STK36: variants seen among roughly 807,000 people sequenced by gnomAD.
The protein encoded by STK36 is serine/threonine kinase 36.
Under a neutral mutation model 142.2 loss-of-function variants are expected in STK36, and 116 were observed. That is an observed-to-expected ratio of 0.82 (90% CI 0.70 to 0.95). STK36 has a LOEUF of 0.95. Ranked by LOEUF, STK36 falls within the 40% of genes least tolerant of loss-of-function variation. The pLI is 0.00. For missense variants in STK36, 1,422 were observed against 1,617.2 expected (o/e 0.88, Z 2.07); for synonymous variants, 619 against 641.7 (o/e 0.96, Z 0.53).
chr2:218,673,542 C>T (rs986725559), intron 2 of STK36, 83 bp from the exon 3 acceptor site: 90 of 1,510,960 alleles, frequency 6.0e-5, no homozygotes, highest in Non-Finnish European at 5.7e-5. Context: ...AATCTGACTT[C>T]TGGAGCTCTG....
Position 218,699,267 on chromosome 2 carries a change from A to G in STK36, c.3723A>G (p.Ala1241=). 1 of 1,614,020 alleles carries G rather than the reference A, an allele frequency of 6.2e-7. No homozygotes were observed. Among genetic ancestry groups the G allele is most frequent in the Non-Finnish European group, 8.5e-7 (1 of 1,180,004 alleles). ...TACCCCAGCGGCTCCTAGAAATGGCATGTGGAGACCCCCAGCCAAATGTGA... is the reference window on the plus strand; with the variant it reads ...TACCCCAGCGGCTCCTAGAAATGGCGTGTGGAGACCCCCAGCCAAATGTGA... ...CEVPQRLLEM[A]CGDPQPNVKE... is the part of the protein sequence containing the mutation. Residue 1241 remains alanine, a synonymous_variant, in exon 26 of 27, where the codon GCA becomes GCG. Transcript: ENST00000295709.
intron 22 of STK36, 65 bp downstream of exon 22, chr2:218,696,666 C>T (rs1575142337): frequency 6.5e-7 from 1 of 1,545,208 alleles, no homozygotes; most frequent in Non-Finnish European, 8.9e-7. Context: ...TGGGGAGCCT[C>T]TGGACCAGAG....
chr2:218,674,395 T>G (rs1940138697), intron 4 of STK36, among the ~76,000 whole-genome samples: 1 of 152,132 alleles, frequency 6.6e-6, no homozygotes, highest in Non-Finnish European at 1.5e-5. Context: ...AGAATAAAGG[T>G]TGTGGGGAGT....
At chr2:218,678,188 CA>C (rs1340513020) in intron 6 of STK36, among the ~76,000 whole-genome samples, 2 of 152,134 alleles carry the variant, frequency 1.3e-5, no homozygotes, top group East Asian at 3.8e-4. Flanking sequence ...TGGCCTCAAG[CA>C]ATCTTCCTGT....
chr2:218,694,645 C>T lies in STK36; in HGVS notation c.2511+10C>T, dbSNP rs765002286. 6 of 1,611,176 alleles carry T rather than the reference C, an allele frequency of 3.7e-6. No homozygotes were observed. The highest frequency in any genetic ancestry group is 5.1e-6 in the Non-Finnish European group (6 of 1,177,334). ...GTCTGCCCCTGCAGAGGTGAGGCCC[C>T]CCAGGGAGGGCACAGACATGTTTTC... is the stretch of plus-strand genomic sequence containing the variant. On this transcript the variant is annotated intron_variant, in intron 21 of 26. Transcript: ENST00000295709. The surrounding 1 kb of genome is among the most constrained non-coding windows in gnomAD (Gnocchi z 4.4).
At chr2:218,683,719 G>A (rs6723849) in intron 10 of STK36, among the ~76,000 whole-genome samples, 9,141 of 152,134 alleles carry the variant, frequency 0.06, 921 homozygotes, top group African/African-American at 0.21. Context: ...ATATCTCCCA[G>A]TGCTATCCCT....
intron 14 of STK36, 112 bp downstream of exon 14, chr2:218,690,667 G>A (rs999437119): frequency 2.3e-6 from 2 of 864,518 alleles, no homozygotes; most frequent in African/African-American, 3.4e-5. Context: ...ACAAACATTT[G>A]TTAAATTCCC....
intron 2 of STK36, chr2:218,673,155 C>T (rs1400510779): frequency 1.5e-5 from 7 of 471,996 alleles, no homozygotes; most frequent in Non-Finnish European, 2.7e-5. Context: ...ATTTCCTTAT[C>T]TCTAGAATGG....
intron 10 of STK36, among the ~76,000 whole-genome samples, chr2:218,681,226 C>T (rs573225704): frequency 2.3e-4 from 34 of 151,010 alleles, no homozygotes; most frequent in African/African-American, 7.6e-4. Context: ...CTTCTGGGTT[C>T]AAGCAATTCT....
chr2:218,700,905 G>A (rs894927122), intron 26 of STK36, among the ~76,000 whole-genome samples: 30 of 150,682 alleles, frequency 2.0e-4, no homozygotes, highest in Non-Finnish European at 3.7e-4. Context: ...CCAGCTTCTC[G>A]GGAGGCTAAG....
rs907433329 is a variant in STK36, at chr2:218,697,377, T to C, written c.2762-86T>C. ...GCTCTAAGATGGGGAAGGGACTGAATAGGTGTAGCCCTGGGAGCTGTGGGG... is the reference window on the plus strand; with the variant it reads ...GCTCTAAGATGGGGAAGGGACTGAACAGGTGTAGCCCTGGGAGCTGTGGGG... On this transcript the variant is annotated intron_variant, in intron 23 of 26. Transcript: ENST00000295709. 11 of 1,558,400 alleles carry C rather than the reference T, an allele frequency of 7.1e-6. No homozygotes were observed. The Admixed American group carries it at 1.3e-4, about 19-fold the overall frequency.
intron 4 of STK36, 121 bp downstream of exon 4, chr2:218,674,077 G>A (rs1940122913): frequency 8.7e-6 from 8 of 916,614 alleles, no homozygotes; most frequent in South Asian, 3.4e-5. Flanking sequence ...GAATATAAGA[G>A]TCTAGGTATA....
Position 218,685,169 on chromosome 2 carries a change from C to G in STK36, c.1321C>G (p.Leu441Val). The G allele has an allele frequency of 6.2e-7, 1 of 1,614,210 alleles. No individual in the cohort carries two copies. Among genetic ancestry groups the G allele is most frequent in the Non-Finnish European group, 8.5e-7 (1 of 1,180,032 alleles). ...PIQLKAPLTL[L>V]CNPDFCQRIQ... ...TCAACTGAAGGCTCCTCTCACCTTG[C>G]TGTGTAATCCTGACTTCTGCCAGCG... is the stretch of plus-strand genomic sequence containing the variant. The change falls in exon 11 of 27, where the codon CTG (leucine) becomes GTG (valine). Residue 441 changes from leucine to valine, a missense_variant. Physicochemically the swap from Leu to Val is conservative, Grantham distance 32. Coordinates refer to ENST00000295709, the MANE Select transcript of STK36 (RefSeq NM_015690.5).
In STK36 at chr2:218,693,924, T is replaced by C; in HGVS notation, c.2277T>C (p.Thr759=). The change falls in exon 19 of 27, where the codon ACT becomes ACC. Residue 759 remains threonine (T), a synonymous_variant. Transcript: ENST00000295709. ...AAGTAGTAGATTGGGAAGAGTCTAC[T>C]GAAGTGACACTCTACTTCCTCTCCC... is the stretch of plus-strand genomic sequence containing the variant. ...KVKVVDWEES[T]EVTLYFLSLL... is the part of the protein sequence containing the mutation. 1 of 1,614,272 alleles carries C rather than the reference T, an allele frequency of 6.2e-7. No homozygotes were observed. Among genetic ancestry groups the C allele is most frequent in the South Asian group, 1.1e-5 (1 of 91,092 alleles).
At chr2:218,673,598 G>C in intron 2 of STK36, 27 bp from the exon 3 acceptor site, 3 of 1,599,494 alleles carry the variant, frequency 1.9e-6, no homozygotes, top group Non-Finnish European at 1.7e-6. Flanking sequence ...GTGATTAGGC[G>C]TTAACTTTTC....
Position 218,672,883 on chromosome 2 carries a change from G to T in STK36, c.54G>T (p.Val18=). Residue 18 remains valine, a synonymous_variant, in exon 2 of 27, where the codon GTG becomes GTT. Transcript: ENST00000295709. ...TTGGAGAAGGCTCTTTTGGGAGGGT[G>T]TACAAGGGTCGAAGAAAATACAGTG... ...EMIGEGSFGR[V]YKGRRKYSAQ... The T allele has an allele frequency of 2.5e-6, 4 of 1,614,120 alleles. No homozygotes were observed. The highest frequency in any genetic ancestry group is 3.4e-6 in the Non-Finnish European group (4 of 1,179,992).
At chr2:218,696,378 C>T (rs1411781701) in intron 21 of STK36, 149 bp from the exon 22 acceptor site, 1 of 651,596 alleles carries the variant, frequency 1.5e-6, no homozygotes, top group Non-Finnish European at 2.7e-6. Flanking sequence ...TATTCCCCCA[C>T]CGAAATGGTT....
chr2:218,678,594 C>G (rs2106346540), intron 6 of STK36, among the ~76,000 whole-genome samples: 1 of 152,280 alleles, frequency 6.6e-6, no homozygotes, highest in Middle Eastern at 3.4e-3. Context: ...AGGATTTCCC[C>G]AAAGATTCCT....
rs531366484 is a variant in STK36, at chr2:218,676,121, C to T, written c.527C>T (p.Pro176Leu). ...TCTCCAGAGCTGGTGGAGGAGCGAC[C>T]ATACGACCACACAGCGGACCTCTGG... ...YMSPELVEER[P>L]YDHTADLWSV... is the part of the protein sequence containing the mutation. The change falls in exon 6 of 27, where the codon CCA becomes CTA. Residue 176 changes from proline to leucine, a missense_variant. Physicochemically the swap from Pro to Leu is moderately conservative, Grantham distance 98 (BLOSUM62 -3). Around this residue, in one of 2 missense-constraint regions of STK36, gnomAD observed 460 missense variants for 449.6 expected, o/e 1.02. Transcript: ENST00000295709. 4.2e-5 allele frequency: 67 copies of T among 1,614,136 alleles called. No homozygotes were observed. In the East Asian group the frequency reaches 1.4e-3, roughly 34 times the overall value.
Sources: gnomAD v4.1 joint callset for allele counts (sites outside exome capture counted in the v4.1 genomes callset) on GRCh38, gnomAD v4.1.1 for gene constraint, gnomAD v4.1.1 regional missense constraint, Gnocchi (gnomAD v3.1) non-coding constraint, MANE v1.5 for transcripts, NCBI Gene and HGNC (gene_info 2026-07-23, HGNC 2026-07-21) for gene names.